Variants in SMC4 observed in about 807,000 individuals in gnomAD.
SMC4 encodes structural maintenance of chromosomes 4.
Under a neutral mutation model 145.6 loss-of-function variants are expected in SMC4, and 87 were observed. That is an observed-to-expected ratio of 0.60 (90% CI 0.50 to 0.71). The LOEUF (loss-of-function observed/expected upper bound fraction) is 0.71. Ranked by LOEUF, SMC4 falls within the 30% of genes least tolerant of loss-of-function variation. SMC4 has a pLI of 0.00. For synonymous variants in SMC4, 558 were observed against 500.7 expected, an observed-to-expected ratio of 1.11 and a Z score of -1.53; for missense variants, 1,447 against 1,537.1, an observed-to-expected ratio of 0.94 and a Z score of 0.98.
intron 17 of SMC4, among the ~76,000 whole-genome samples, chr3:160,427,877 A>G (rs1002871434): frequency 5.9e-5 from 9 of 152,342 alleles, no homozygotes; most frequent in East Asian, 3.9e-4. Context: ...ACTTGAGATC[A>G]GGAGTTTGAG....
chr3:160,421,470 G>T (rs9814978), intron 13 of SMC4, among the ~76,000 whole-genome samples: 3,479 of 152,130 alleles, frequency 0.023, 119 homozygotes, highest in African/African-American at 0.08. Context: ...TTTAGGCCAG[G>T]TGCGGTGGCT....
chr3:160,407,611 A>T (rs2108455990), intron 5 of SMC4, among the ~76,000 whole-genome samples: 1 of 151,706 alleles, frequency 6.6e-6, no homozygotes, highest in Middle Eastern at 3.4e-3. Flanking sequence ...TTGGAGATTT[A>T]ATTAACCTAG....
rs1714841809 is a variant in SMC4, at chr3:160,402,731, C to G, written c.374C>G (p.Ser125Cys). ...AGTGGCAAATCCAATGTTATTGATT[C>G]TATGCTTTTTGTGTTTGGCTATCGA... ...NGSGKSNVID[S>C]MLFVFGYRAQ... Residue 125 changes from serine to cysteine, a missense_variant, in exon 4 of 24, where the codon TCT becomes TGT. By Grantham distance (112) the Ser-to-Cys change is moderately radical. Coordinates refer to ENST00000357388, the MANE Select transcript of SMC4 (RefSeq NM_001002800.3). 1 of 1,611,768 alleles carries G rather than the reference C, an allele frequency of 6.2e-7. No homozygotes were observed. Among genetic ancestry groups the G allele is most frequent in the Non-Finnish European group, 8.5e-7 (1 of 1,179,412 alleles).
At chr3:160,404,540 CTT>C in intron 5 of SMC4, 36 bp downstream of exon 5, 1 of 1,595,532 alleles carries the variant, frequency 6.3e-7, no homozygotes, top group Non-Finnish European at 8.6e-7. Context: ...TTCTCTTATT[CTT>C]GTTACTTTTT....
rs146037309 is a variant in SMC4 at position 160,430,698 on chromosome 3, T to G, written c.2895T>G (p.Leu965=). Residue 965 remains leucine, a synonymous_variant, in exon 19 of 24, where the codon CTT becomes CTG. Coordinates refer to ENST00000357388, the MANE Select transcript of SMC4 (RefSeq NM_001002800.3). ...VDDLTAELKS[L]EDKAAEVVKN... Reference sequence around the variant, plus strand: ...ACCTAACAGCAGAGCTGAAAAGTCTTGAGGACAAAGCAGCAGAGGTCGTAA... The same window carrying G: ...ACCTAACAGCAGAGCTGAAAAGTCTGGAGGACAAAGCAGCAGAGGTCGTAA... 3 of 1,613,664 alleles carry G rather than the reference T, an allele frequency of 1.9e-6. No individual in the cohort carries two copies. Among genetic ancestry groups the G allele is most frequent in the South Asian group, 1.1e-5 (1 of 91,018 alleles).
At chr3:160,407,908 A>G (rs1715524925) in intron 5 of SMC4, among the ~76,000 whole-genome samples, 1 of 152,178 alleles carries the variant, frequency 6.6e-6, no homozygotes, top group South Asian at 2.1e-4. Context: ...TTTCTGTTTT[A>G]TTTTAGAAAG....
Position 160,413,882 on chromosome 3 carries a change from A to C in SMC4, c.1121+269A>C, listed in dbSNP as rs577849381. 153 of 305,074 alleles carry C rather than the reference A, an allele frequency of 5.0e-4. 2 individuals are homozygous for C. The South Asian group carries it at 5.2e-3, about 10-fold the overall frequency. 18.9% of individuals were successfully genotyped at this position (305,074 alleles called of 1,614,324 possible). A position where few individuals can be genotyped will look rare whatever the true frequency, so the allele number is the denominator to read the frequency against. ...CAATAAGCATTTGGCTTCACAGTTT[A>C]ATCTTTTAGTAGTCCACAAATCTGA... On this transcript the variant is annotated intron_variant, in intron 8 of 23. Coordinates refer to ENST00000357388, the MANE Select transcript of SMC4 (RefSeq NM_001002800.3).
chr3:160,423,431 G>C lies in SMC4; in HGVS notation c.2026G>C (p.Val676Leu), dbSNP rs774938067. Residue 676 changes from valine (V) to leucine (L), a missense_variant, in exon 14 of 24, where the codon GTA (valine) becomes CTA (leucine). Coordinates refer to ENST00000357388, the MANE Select transcript of SMC4 (RefSeq NM_001002800.3). The part of the protein sequence containing the change: ...ATFIGLDKMA[V>L]WAKKMTEIQT... Reference sequence around the variant, plus strand: ...TTTGTTTGTTTACTTTTAGATGGCTGTATGGGCGAAAAAGATGACCGAAAT... The same window carrying C: ...TTTGTTTGTTTACTTTTAGATGGCTCTATGGGCGAAAAAGATGACCGAAAT... 2.6e-6 allele frequency: 4 copies of C among 1,556,812 alleles called. No homozygotes were observed. The highest frequency in any genetic ancestry group is 3.5e-6 in the Non-Finnish European group (4 of 1,144,756).
chr3:160,403,473 G>A (rs1017784873), intron 4 of SMC4, among the ~76,000 whole-genome samples: 22 of 152,160 alleles, frequency 1.4e-4, no homozygotes, highest in African/African-American at 5.3e-4. Flanking sequence ...GAAATTGATT[G>A]TTCAAAAATG....
At chr3:160,407,396 T>G (rs1406588671) in intron 5 of SMC4, among the ~76,000 whole-genome samples, 1 of 151,786 alleles carries the variant, frequency 6.6e-6, no homozygotes, top group African/African-American at 2.4e-5. Flanking sequence ...CTATAGAAAA[T>G]ACAAAAATTA....
Position 160,399,700 on chromosome 3 carries a change from G to C in SMC4, c.-55G>C, listed in dbSNP as rs948107105. The C allele has an allele frequency of 6.6e-6, 1 of 152,654 alleles. No individual in the cohort carries two copies. The highest frequency in any genetic ancestry group is 1.5e-5 in the Non-Finnish European group (1 of 68,054). The allele number at this position is 152,654 out of a possible 1,614,324, so 9.5% of individuals were successfully genotyped here. ...GAAACACCGGTAGGAGCGGGGAGGT[G>C]GGTACTACACAACCGTCTCCAGCCT... On this transcript the variant is annotated 5_prime_UTR_variant, in exon 1 of 24. Coordinates refer to ENST00000357388, the MANE Select transcript of SMC4 (RefSeq NM_001002800.3).
intron 21 of SMC4, 45 bp from the exon 22 acceptor site, chr3:160,432,238 T>C (rs371000866): frequency 3.7e-6 from 5 of 1,356,048 alleles, no homozygotes; most frequent in Non-Finnish European, 5.1e-6. Flanking sequence ...AATTATCATA[T>C]CAAATTTATC....
At chr3:160,404,528 G>A in intron 5 of SMC4, 24 bp downstream of exon 5, 5 of 1,599,936 alleles carry the variant, frequency 3.1e-6, no homozygotes, top group Non-Finnish European at 4.3e-6. Flanking sequence ...AGACTTCAAA[G>A]ATTCTCTTAT....
In SMC4 at chr3:160,417,945, G is replaced by T. The variant is rs200948366; in HGVS notation, c.1660G>T (p.Glu554Ter). Residue 554 changes from glutamate to a stop codon, truncating the protein, a stop_gained, in exon 11 of 24, where the codon GAA becomes TAA. Transcript: ENST00000357388. LOFTEE classifies it high-confidence loss of function. ...AGGAAAACTCCCTCAAACTGAACAA[G>T]AATTAAAGGAGGTAAATCTTTGCTT... ...IEGKLPQTEQELKEKEKELQK... is the reference protein window; with the variant it reads ...IEGKLPQTEQ The T allele has an allele frequency of 3.1e-6, 5 of 1,609,724 alleles. No homozygotes were observed. The East Asian group carries it at 1.1e-4, about 36-fold the overall frequency.
chr3:160,403,395 A>G (rs1714932246), intron 4 of SMC4, among the ~76,000 whole-genome samples: 1 of 152,168 alleles, frequency 6.6e-6, no homozygotes, highest in South Asian at 2.1e-4. Flanking sequence ...AGAAATGGAG[A>G]CAACTAGAGG....
Position 160,402,066 on chromosome 3 carries a change from G to T in SMC4, c.291G>T (p.Gly97=). 6.4e-7 allele frequency: 1 copy of T among 1,550,500 alleles called. No homozygotes were observed. The stretch of plus-strand genomic sequence containing the variant: ...ACCAGAACTTCAAATCCTATGCTGG[G>T]GAGAAAATTCTGGGACCTTTCCATA... ...IVNQNFKSYA[G]EKILGPFHKR... is the part of the protein sequence containing the mutation. The change falls in exon 3 of 24, where the codon GGG becomes GGT. Residue 97 remains glycine, a synonymous_variant. Transcript: ENST00000357388.
intron 20 of SMC4, 47 bp from the exon 21 acceptor site, chr3:160,431,596 A>G (rs760543561): frequency 2.2e-6 from 3 of 1,336,726 alleles, no homozygotes; most frequent in Non-Finnish European, 3.1e-6. Flanking sequence ...AATGAATTGT[A>G]TGTAATATTA....
intron 2 of SMC4, 49 bp from the exon 3 acceptor site, chr3:160,401,866 C>T (rs756798425): frequency 6.7e-7 from 1 of 1,487,122 alleles, no homozygotes; most frequent in Admixed American, 2.1e-5. Context: ...CTAATGTAGG[C>T]TTTTCCCCCG....
intron 12 of SMC4, among the ~76,000 whole-genome samples, chr3:160,419,976 G>A (rs1454637286): frequency 6.6e-6 from 1 of 151,970 alleles, no homozygotes. Context: ...TTATATATTT[G>A]GGGTTTCACA....
Sources: allele counts gnomAD v4.1 joint callset (sites outside exome capture counted in the v4.1 genomes callset), GRCh38; gene constraint gnomAD v4.1.1; transcripts MANE v1.5; gene names NCBI Gene and HGNC (gene_info 2026-07-23, HGNC 2026-07-21).